RNF121: variants seen among roughly 807,000 people sequenced by gnomAD.
The protein encoded by RNF121 is ring finger protein 121, also known as E3 ubiquitin ligase RNF121.
In RNF121, 21 loss-of-function variants were observed where a neutral mutation model predicts 46.5. The ratio of observed to expected loss-of-function variants is 0.45; its 90% CI spans 0.32 to 0.65. The LOEUF is 0.65. Among genes scored for constraint, RNF121 ranks in the 30% least tolerant of loss-of-function variants. The pLI, the probability that RNF121 is intolerant of heterozygous loss-of-function variation, is 0.04. For synonymous variants in RNF121, 139 were observed against 144.7 expected, an observed-to-expected ratio of 0.96 and a Z score of 0.28; for missense variants, 346 against 416.0, an observed-to-expected ratio of 0.83 and a Z score of 1.46.
chr11:71,940,521 A>G (rs1227835427), intron 1 of RNF121, among the ~76,000 whole-genome samples: 3 of 152,198 alleles, frequency 2.0e-5, no homozygotes, highest in African/African-American at 7.2e-5. Flanking sequence ...ATTAGCAAGT[A>G]AGAGAAGAGT....
chr11:71,953,365 A>G (rs1252304507), intron 1 of RNF121, among the ~76,000 whole-genome samples: 1 of 152,192 alleles, frequency 6.6e-6, no homozygotes, highest in Non-Finnish European at 1.5e-5. Context: ...GGTGAATTTT[A>G]TGGTATGTGA....
intron 3 of RNF121, among the ~76,000 whole-genome samples, chr11:71,979,288 A>G (rs1248151278): frequency 6.6e-6 from 1 of 152,136 alleles, no homozygotes; most frequent in East Asian, 1.9e-4. Context: ...AGGGTGACCT[A>G]TTGAGTTGGA....
intron 2 of RNF121, among the ~76,000 whole-genome samples, chr11:71,960,187 A>G (rs1236656352): frequency 6.6e-6 from 1 of 152,202 alleles, no homozygotes; most frequent in Non-Finnish European, 1.5e-5. Context: ...TTGGATTAGT[A>G]TAAAGTTGAA....
chr11:71,994,890 C>G (rs1475645296), intron 7 of RNF121, 38 bp downstream of exon 7: 1 of 1,613,324 alleles, frequency 6.2e-7, no homozygotes, highest in Admixed American at 1.7e-5. Flanking sequence ...ATCTCTCCTG[C>G]AATCTGCACA....
chr11:71,978,338 G>A (rs1954576363), intron 3 of RNF121: 1 of 244,592 alleles, frequency 4.1e-6, no homozygotes, highest in South Asian at 3.4e-5. Context: ...CTGCTTTCTA[G>A]GCCCCAAGCA....
rs528298663 is a variant in RNF121, at chr11:71,967,357, T to G, written c.243+6466T>G. Among the ~76,000 whole-genome samples the G allele has an allele frequency of 3.6e-5, 5 of 137,246 alleles. No homozygotes were observed. The South Asian group carries it at 9.7e-4, about 27-fold the overall frequency. 90.0% of individuals were successfully genotyped at this position (137,246 alleles called of 152,430 possible). A position where few individuals can be genotyped will look rare whatever the true frequency, so the allele number is the denominator to read the frequency against. On this transcript the variant is annotated intron_variant, in intron 3 of 8. Transcript: ENST00000361756. ...TTATGTGGGTTTTTTTTGTTTTTTT[T>G]TTTTTTTTTTGAGACGGAGTCTCAC...
chr11:71,985,508 T>C (rs1954755561), intron 4 of RNF121, among the ~76,000 whole-genome samples: 1 of 152,172 alleles, frequency 6.6e-6, no homozygotes, highest in Non-Finnish European at 1.5e-5. Flanking sequence ...CCCTGGAGAA[T>C]AGAGCTGTGT....
At chr11:71,991,090 A>G (rs1954855126) in intron 6 of RNF121, among the ~76,000 whole-genome samples, 1 of 152,304 alleles carries the variant, frequency 6.6e-6, no homozygotes, top group East Asian at 1.9e-4. Flanking sequence ...AGTGGGGACA[A>G]CGGTTGAAAA....
intron 1 of RNF121, among the ~76,000 whole-genome samples, chr11:71,930,486 G>T (rs533599232): frequency 5.9e-5 from 9 of 152,120 alleles, no homozygotes; most frequent in Non-Finnish European, 1.3e-4. Flanking sequence ...ATTGACAGGT[G>T]ATCACAGCAG....
chr11:71,947,877 G>C (rs556840255), intron 1 of RNF121, among the ~76,000 whole-genome samples: 1 of 152,244 alleles, frequency 6.6e-6, no homozygotes, highest in Admixed American at 6.5e-5. Flanking sequence ...AAAGAGCAAG[G>C]GATAAAGTCT....
At chr11:71,930,807 G>C (rs1260177528) in intron 1 of RNF121, among the ~76,000 whole-genome samples, 1 of 152,196 alleles carries the variant, frequency 6.6e-6, no homozygotes, top group Non-Finnish European at 1.5e-5. Context: ...ATAAACAGCA[G>C]AAGTTTTGGC....
chr11:71,971,792 G>C (rs1198967929), intron 3 of RNF121, among the ~76,000 whole-genome samples: 2 of 152,218 alleles, frequency 1.3e-5, no homozygotes, highest in East Asian at 3.9e-4. Flanking sequence ...GTGTTGGCAA[G>C]GATCAAAGGC....
chr11:71,946,438 G>A (rs1953720076), intron 1 of RNF121, among the ~76,000 whole-genome samples: 1 of 152,104 alleles, frequency 6.6e-6, no homozygotes, highest in African/African-American at 2.4e-5. Context: ...GTGTTGCCCA[G>A]GCTGGTCTGT....
intron 4 of RNF121, among the ~76,000 whole-genome samples, chr11:71,985,416 A>G (rs1954752996): frequency 2.0e-5 from 3 of 152,218 alleles, no homozygotes; most frequent in Admixed American, 2.0e-4. Context: ...CTACTAAAAC[A>G]TCACTTAATC....
At chr11:71,936,876 T>A (rs1194801653) in intron 1 of RNF121, among the ~76,000 whole-genome samples, 32 of 152,334 alleles carry the variant, frequency 2.1e-4, no homozygotes, top group Admixed American at 5.2e-4. Flanking sequence ...CTCAGTGCCT[T>A]GCTCAGTGCT....
Position 71,957,379 on chromosome 11 carries a change from CGGTAGGACT to C in RNF121, c.101+119_101+127del, listed in dbSNP as rs142437922. 8.4e-3 allele frequency: 6,519 copies of C among 773,706 alleles called. 305 individuals are homozygous for C. In the African/African-American group the frequency reaches 0.097, roughly 12 times the overall value. The allele number at this position is 773,706 out of a possible 1,614,324, so 47.9% of individuals were successfully genotyped here. ...TCAGTAGGAGGCAGTGGCTCATGAC[CGGTAGGACT>C]GGTCTTTTGGGATCTCTCTAAGTAT... On this transcript the variant is annotated intron_variant, in intron 2 of 8. Transcript: ENST00000361756.
intron 3 of RNF121, among the ~76,000 whole-genome samples, chr11:71,964,564 C>T (rs1954227040): frequency 6.6e-6 from 1 of 152,074 alleles, no homozygotes; most frequent in African/African-American, 2.4e-5. Context: ...GCAGCCTCTA[C>T]TTCTGCAGGC....
At chr11:71,969,526 C>T (rs1954373715) in intron 3 of RNF121, among the ~76,000 whole-genome samples, 1 of 151,906 alleles carries the variant, frequency 6.6e-6, no homozygotes, top group Non-Finnish European at 1.5e-5. Flanking sequence ...TAGGCATAAA[C>T]GGTATGTTTT....
chr11:71,945,845 G>A (rs542917075), intron 1 of RNF121, among the ~76,000 whole-genome samples: 1 of 152,150 alleles, frequency 6.6e-6, no homozygotes, highest in Non-Finnish European at 1.5e-5. Context: ...AGGCCCAGTA[G>A]CTTACACCTG....
Sources: allele counts gnomAD v4.1 joint callset (sites outside exome capture counted in the v4.1 genomes callset), GRCh38; gene constraint gnomAD v4.1.1; transcripts MANE v1.5; gene names NCBI Gene and HGNC (gene_info 2026-07-23, HGNC 2026-07-21).